PAMR1: variants seen among roughly 807,000 people sequenced by gnomAD.
The protein encoded by PAMR1 is inactive serine protease PAMR1.
PAMR1 carries 88 observed loss-of-function variants against 81.8 expected under a neutral mutation model. That is an observed-to-expected ratio of 1.08 (90% CI 0.91 to 1.28). The LOEUF (loss-of-function observed/expected upper bound fraction) is 1.28. Ranked by LOEUF, PAMR1 falls within the 50% of genes most tolerant of loss-of-function variation. The probability of loss-of-function intolerance (pLI) is 0.00; values close to 1 mark genes in which losing one functional copy is unlikely to be tolerated. For synonymous variants in PAMR1, 336 were observed against 345.3 expected, an observed-to-expected ratio of 0.97 and a Z score of 0.30; for missense variants, 935 against 919.7, an observed-to-expected ratio of 1.02 and a Z score of -0.21.
At chr11:35,433,592 G>A (rs967269747) in intron 10 of PAMR1, among the ~76,000 whole-genome samples, 5 of 152,218 alleles carry the variant, frequency 3.3e-5, no homozygotes, top group Non-Finnish European at 7.3e-5. Context: ...TGATACATTG[G>A]TCTATCTCTC....
intron 7 of PAMR1, 125 bp from the exon 8 acceptor site, chr11:35,439,818 G>T: frequency 1.3e-6 from 1 of 746,288 alleles, no homozygotes; most frequent in Non-Finnish European, 2.4e-6. Context: ...GCTCTCAGAG[G>T]CAAGACATGT....
chr11:35,434,779 A>G lies in PAMR1; in HGVS notation c.1359T>C (p.Thr453=). 6.2e-7 allele frequency: 1 copy of G among 1,613,508 alleles called. No individual in the cohort carries two copies. Among genetic ancestry groups the G allele is most frequent in the South Asian group, 1.1e-5 (1 of 91,068 alleles). ...AGCGCAACCCTTGGGTCTTTGGAGCAGTGATGTTCTCAATTTTCCCGCAGA... is the reference window on the plus strand; with the variant it reads ...AGCGCAACCCTTGGGTCTTTGGAGCGGTGATGTTCTCAATTTTCCCGCAGA... ...IPICGKIENI[T]APKTQGLRWP... The change falls in exon 10 of 11, where the codon ACT becomes ACC. Residue 453 remains threonine, a synonymous_variant. Coordinates refer to ENST00000619888, the MANE Select transcript of PAMR1 (RefSeq NM_001001991.3).
chr11:35,507,370 A>G (rs1431010667), intron 1 of PAMR1, among the ~76,000 whole-genome samples: 5 of 151,754 alleles, frequency 3.3e-5, no homozygotes, highest in Non-Finnish European at 7.4e-5. Flanking sequence ...CTTTGAACTC[A>G]CTGATTCTTT....
At chr11:35,462,544 T>A (rs1471979646) in intron 6 of PAMR1, among the ~76,000 whole-genome samples, 1 of 152,174 alleles carries the variant, frequency 6.6e-6, no homozygotes, top group Non-Finnish European at 1.5e-5. Context: ...ATGTCATAAT[T>A]GTCCAGATTG....
At chr11:35,527,918 TG>T (rs1236389350), upstream of PAMR1, among the ~76,000 whole-genome samples, 2 of 152,128 alleles carry the variant, frequency 1.3e-5, no homozygotes, top group Non-Finnish European at 2.9e-5. Flanking sequence ...AAAACTTTTA[TG>T]GGGGTAACTG....
chr11:35,474,754 G>C lies in PAMR1; in HGVS notation c.380-10C>G. 2 of 1,585,484 alleles carry C rather than the reference G, an allele frequency of 1.3e-6. No homozygotes were observed. The highest frequency in any genetic ancestry group is 1.7e-6 in the Non-Finnish European group (2 of 1,158,738). On this transcript the variant is annotated splice_polypyrimidine_tract_variant and intron_variant, in intron 3 of 10. Transcript: ENST00000619888. ...AGAACCTGGCCACATCCTAAGAAAA[G>C]AAGAAAAGATTGGGACATAAAAATG...
intron 7 of PAMR1, 115 bp from the exon 8 acceptor site, chr11:35,439,808 G>T: frequency 2.5e-6 from 2 of 794,800 alleles, no homozygotes; most frequent in Non-Finnish European, 2.2e-6. Flanking sequence ...CATTCCCCAG[G>T]CTCTCAGAGG....
chr11:35,452,152 A>G (rs574629290), intron 6 of PAMR1, among the ~76,000 whole-genome samples: 96 of 152,366 alleles, frequency 6.3e-4, no homozygotes, highest in South Asian at 1.4e-3. Context: ...AAGATTGAGC[A>G]GAAGACTGGA....
intron 1 of PAMR1, among the ~76,000 whole-genome samples, chr11:35,514,185 C>T (rs1851122071): frequency 6.6e-6 from 1 of 152,146 alleles, no homozygotes; most frequent in East Asian, 1.9e-4. Flanking sequence ...TTGTTGATGT[C>T]ACTGCAGTTG....
chr11:35,505,386 A>G (rs1850931224), intron 1 of PAMR1, among the ~76,000 whole-genome samples: 1 of 152,066 alleles, frequency 6.6e-6, no homozygotes, highest in Non-Finnish European at 1.5e-5. Flanking sequence ...TTTAACTCCA[A>G]TGTTTCTTTA....
intron 1 of PAMR1, among the ~76,000 whole-genome samples, chr11:35,497,152 C>A (rs1159220607): frequency 2.0e-5 from 3 of 151,926 alleles, no homozygotes; most frequent in African/African-American, 2.4e-5. Flanking sequence ...GGAAACAGAC[C>A]AAGACTCTTG....
At position 35,441,583 on chromosome 11, in the gene PAMR1, C is replaced by T; in HGVS notation, c.931G>A (p.Val311Met). 6.2e-7 allele frequency: 1 copy of T among 1,614,004 alleles called. No homozygotes were observed. Among genetic ancestry groups the T allele is most frequent in the Non-Finnish European group, 8.5e-7 (1 of 1,179,898 alleles). ...TAGGAGTTGTTACAAAAGAAAGACA[C>T]CACGGTGCCAATTTTAGCATGGCGT... ...NGRHAKIGTV[V>M]SFFCNNSYVL... Residue 311 changes from valine to methionine, a missense_variant, in exon 7 of 11, where the codon GTG becomes ATG. Coordinates refer to ENST00000619888, the MANE Select transcript of PAMR1 (RefSeq NM_001001991.3).
chr11:35,488,261 G>A (rs1436179090), intron 3 of PAMR1, among the ~76,000 whole-genome samples: 1 of 138,682 alleles, frequency 7.2e-6, no homozygotes, highest in Non-Finnish European at 1.5e-5. Context: ...TGTTGTTTAG[G>A]CTGGAATGCA....
rs1240538842 is a variant in PAMR1 at position 35,434,612 on chromosome 11, A to C, written c.1526T>G (p.Leu509Arg). The C allele has an allele frequency of 6.2e-7, 1 of 1,614,072 alleles. No individual in the cohort carries two copies. The highest frequency in any genetic ancestry group is 2.2e-5 in the East Asian group (1 of 44,884). ...VVVAAHCVTD[L>R]GKVTMIKTAD... ...TGTCTTGATCATGGTGACCTTCCCC[A>C]GGTCAGTAACACAGTGGGCAGCCAC... The change falls in exon 10 of 11, where the codon CTG becomes CGG. Residue 509 changes from leucine (L) to arginine (R), a missense_variant. Physicochemically the swap from Leu to Arg is moderately radical, Grantham distance 102 (BLOSUM62 -2). Transcript: ENST00000619888.
chr11:35,510,146 G>A (rs945930151), intron 1 of PAMR1, among the ~76,000 whole-genome samples: 65 of 152,186 alleles, frequency 4.3e-4, no homozygotes, highest in African/African-American at 1.4e-3. Context: ...CATTTTTAGA[G>A]CAATTTTAGG....
intron 1 of PAMR1, among the ~76,000 whole-genome samples, chr11:35,500,950 A>C (rs1850823968): frequency 6.6e-6 from 1 of 152,158 alleles, no homozygotes; most frequent in Non-Finnish European, 1.5e-5. Context: ...CAGGACTGGA[A>C]ATTGCTCTGG....
At chr11:35,452,014 A>G (rs759304355) in intron 6 of PAMR1, 112 of 527,482 alleles carry the variant, frequency 2.1e-4, no homozygotes, top group Non-Finnish European at 2.4e-4. Context: ...ACTGACTAAG[A>G]CAGAAGGCAA....
At chr11:35,512,525 G>T (rs926866407) in intron 1 of PAMR1, among the ~76,000 whole-genome samples, 1 of 152,198 alleles carries the variant, frequency 6.6e-6, no homozygotes, top group Non-Finnish European at 1.5e-5. Context: ...GAAGAAAGCA[G>T]CATTGGTGAG....
At chr11:35,488,197 C>CTTTTTTTTTTTTTT (rs35884320) in intron 3 of PAMR1, among the ~76,000 whole-genome samples, 1 of 88,030 alleles carries the variant, frequency 1.1e-5, no homozygotes, top group African/African-American at 4.3e-5. Flanking sequence ...CCTTTCCCAT[C>CTTTTTTTTTTTTTT]TTTTTTTTTT....
Sources: gnomAD v4.1 joint callset for allele counts (sites outside exome capture counted in the v4.1 genomes callset) on GRCh38, gnomAD v4.1.1 for gene constraint, MANE v1.5 for transcripts, NCBI Gene and HGNC (gene_info 2026-07-23, HGNC 2026-07-21) for gene names.